SLC25A21: variants seen among roughly 807,000 people sequenced by gnomAD.
SLC25A21 encodes the protein mitochondrial 2-oxodicarboxylate carrier.
A neutral mutation model predicts 43.8 loss-of-function variants in SLC25A21; 47 were observed. The observed-to-expected ratio is 1.07, with a 90% confidence interval of 0.85 to 1.37. SLC25A21 has a LOEUF of 1.37. Among genes scored for constraint, SLC25A21 ranks in the 40% most tolerant of loss-of-function variants. SLC25A21 has a pLI of 0.00. For missense variants in SLC25A21, 352 were observed against 350.2 expected (o/e 1.00, Z -0.04); for synonymous variants, 131 against 121.3 (o/e 1.08, Z -0.52).
chr14:37,122,854 C>T (rs1167539907), intron 1 of SLC25A21, among the ~76,000 whole-genome samples: 1 of 152,118 alleles, frequency 6.6e-6, no homozygotes, highest in Non-Finnish European at 1.5e-5. Flanking sequence ...TAAAGTATCA[C>T]TCATCTAGAA....
chr14:37,120,071 C>T (rs1379537343), intron 1 of SLC25A21, among the ~76,000 whole-genome samples: 1 of 152,014 alleles, frequency 6.6e-6, no homozygotes, highest in Non-Finnish European at 1.5e-5. Flanking sequence ...AAAATTTCAC[C>T]ACAGAAATAA....
chr14:36,810,671 A>G (rs1230087865), intron 3 of SLC25A21, among the ~76,000 whole-genome samples: 1 of 152,130 alleles, frequency 6.6e-6, no homozygotes, highest in Non-Finnish European at 1.5e-5. Context: ...TTGCATCATT[A>G]TGATGTTGGT....
At chr14:36,867,473 G>A (rs1039011635) in intron 2 of SLC25A21, among the ~76,000 whole-genome samples, 8 of 152,122 alleles carry the variant, frequency 5.3e-5, no homozygotes, top group South Asian at 4.1e-4. Context: ...AGCTCTGGAG[G>A]ATACCGAATA....
chr14:36,829,395 T>C (rs848056), intron 2 of SLC25A21, among the ~76,000 whole-genome samples: 147,770 of 152,236 alleles, frequency 0.97, 71,860 homozygotes, highest in East Asian at 1. Flanking sequence ...GGCTTGCTGG[T>C]TCTGTCAACA....
At chr14:37,130,843 G>A (rs941272179) in intron 1 of SLC25A21, among the ~76,000 whole-genome samples, 1 of 152,178 alleles carries the variant, frequency 6.6e-6, no homozygotes, top group Non-Finnish European at 1.5e-5. Context: ...CTAAACAGAT[G>A]GGGAAAATAA....
intron 1 of SLC25A21, among the ~76,000 whole-genome samples, chr14:37,065,005 G>GA (rs1345456032): frequency 6.6e-6 from 1 of 152,146 alleles, no homozygotes; most frequent in African/African-American, 2.4e-5. Context: ...TGCTCTTAAG[G>GA]AACTTATGGT....
At position 36,679,067 on chromosome 14, in the gene SLC25A21, GAGGTTAA is replaced by G. The variant is rs1882055741; in HGVS notation, c.*1584_*1590del. The G allele has an allele frequency of 1.0e-6, 1 of 985,388 alleles. No homozygotes were observed. Among genetic ancestry groups the G allele is most frequent in the Non-Finnish European group, 1.2e-6 (1 of 829,930 alleles). 61.0% of individuals were successfully genotyped at this position (985,388 alleles called of 1,614,324 possible). ...TCCTTTTCTATCTGATCCACATGGA[GAGGTTAA>G]AGGTTCAATTTCATGACCTCTATGC... is the stretch of plus-strand genomic sequence containing the variant. On this transcript the variant is annotated 3_prime_UTR_variant, in exon 10 of 10. Coordinates refer to ENST00000331299, the MANE Select transcript of SLC25A21 (RefSeq NM_030631.4).
chr14:36,872,283 T>G (rs190533869), intron 2 of SLC25A21, among the ~76,000 whole-genome samples: 1 of 152,306 alleles, frequency 6.6e-6, no homozygotes, highest in Admixed American at 6.5e-5. Flanking sequence ...GGGGTTCTAT[T>G]TCTGCCTAAT....
At chr14:37,064,096 G>A (rs1306594787) in intron 1 of SLC25A21, among the ~76,000 whole-genome samples, 1 of 152,168 alleles carries the variant, frequency 6.6e-6, no homozygotes, top group Non-Finnish European at 1.5e-5. Flanking sequence ...GTGAGCAGGT[G>A]CCATCTAATT....
chr14:37,102,089 T>C (rs930938036), intron 1 of SLC25A21, among the ~76,000 whole-genome samples: 3 of 152,170 alleles, frequency 2.0e-5, no homozygotes, highest in Non-Finnish European at 2.9e-5. Context: ...ATAACTTTAT[T>C]ATATGTATAA....
intron 4 of SLC25A21, among the ~76,000 whole-genome samples, chr14:36,730,974 T>G (rs1477064094): frequency 1.4e-5 from 1 of 72,064 alleles, no homozygotes; most frequent in African/African-American, 7.1e-5. Context: ...TAATCTTAGG[T>G]TTTTTTTTTT....
chr14:36,822,879 T>TA (rs1391198018), intron 2 of SLC25A21, among the ~76,000 whole-genome samples: 1 of 152,234 alleles, frequency 6.6e-6, no homozygotes, highest in Non-Finnish European at 1.5e-5. Context: ...TACACTTAAA[T>TA]ATCCTATAAA....
At chr14:37,014,790 G>T (rs535058695) in intron 1 of SLC25A21, among the ~76,000 whole-genome samples, 92 of 152,096 alleles carry the variant, frequency 6.0e-4, no homozygotes, top group African/African-American at 2.2e-3. Context: ...TCAATCCATG[G>T]GCTGCAGAAT....
intron 1 of SLC25A21, among the ~76,000 whole-genome samples, chr14:36,934,168 A>T (rs1278107170): frequency 6.6e-6 from 1 of 152,212 alleles, no homozygotes; most frequent in Non-Finnish European, 1.5e-5. Flanking sequence ...TTATTTGGAT[A>T]ATAAGTAGAA....
chr14:36,731,586 C>T (rs563319620), intron 4 of SLC25A21, among the ~76,000 whole-genome samples: 27 of 152,304 alleles, frequency 1.8e-4, no homozygotes, highest in African/African-American at 6.5e-4. Flanking sequence ...ATGAGCACTC[C>T]TCTCAATGCC....
intron 7 of SLC25A21, among the ~76,000 whole-genome samples, chr14:36,699,044 C>T (rs1357738560): frequency 1.3e-5 from 2 of 151,698 alleles, no homozygotes; most frequent in Admixed American, 6.6e-5. Context: ...TGGTTTCTCC[C>T]CATCTTTGTG....
At chr14:37,140,490 T>C (rs923348289) in intron 1 of SLC25A21, among the ~76,000 whole-genome samples, 1 of 152,152 alleles carries the variant, frequency 6.6e-6, no homozygotes, top group Non-Finnish European at 1.5e-5. Flanking sequence ...TTCCCACCTA[T>C]AAAATGAGGC....
chr14:36,876,896 T>TATAGATAGATAGATAGATAGATAG (rs71449955), intron 1 of SLC25A21, among the ~76,000 whole-genome samples: 8 of 138,362 alleles, frequency 5.8e-5, no homozygotes, highest in East Asian at 2.1e-4. Flanking sequence ...ATGATGGGAT[T>TATAGATAGATAGATAGATAGATAG]ATAGATAGAT....
chr14:36,990,826 A>G (rs8011325), intron 1 of SLC25A21, among the ~76,000 whole-genome samples: 13,282 of 152,002 alleles, frequency 0.087, 663 homozygotes, highest in African/African-American at 0.13. Flanking sequence ...GGTTGCAGTG[A>G]GCCATGTTTG....
Sources: allele counts gnomAD v4.1 joint callset (sites outside exome capture counted in the v4.1 genomes callset), GRCh38; gene constraint gnomAD v4.1.1; transcripts MANE v1.5; gene names NCBI Gene and HGNC (gene_info 2026-07-23, HGNC 2026-07-21).